The following HSF2 variants were observed in gnomAD, a reference collection of about 807,000 sequenced individuals.
HSF2 encodes the protein heat shock factor protein 2.
HSF2 carries 21 observed loss-of-function variants against 65.0 expected under a neutral mutation model. That is an observed-to-expected ratio of 0.32 (90% CI 0.23 to 0.47). HSF2 has a LOEUF of 0.47. Ranked by LOEUF, HSF2 falls within the 20% of genes least tolerant of loss-of-function variation. The pLI, the probability that HSF2 is intolerant of heterozygous loss-of-function variation, is 1.00. For missense variants in HSF2, 499 were observed against 628.1 expected, an observed-to-expected ratio of 0.79 and a Z score of 2.20; for synonymous variants, 225 against 219.1, an observed-to-expected ratio of 1.03 and a Z score of -0.24.
chr6:122,419,159 T>G lies in HSF2; in HGVS notation c.532-9T>G. ...ATAATGAAATAATTTTTGTTTATAT[T>G]TTTTTCAGATTGTCCAGTTTATTGT... On this transcript the variant is annotated splice_polypyrimidine_tract_variant and intron_variant, in intron 5 of 12. Transcript: ENST00000368455. 2.2e-6 allele frequency: 3 copies of G among 1,359,458 alleles called. No homozygotes were observed. Among genetic ancestry groups the G allele is most frequent in the Non-Finnish European group, 3.1e-6 (3 of 957,684 alleles). 84.2% of individuals were successfully genotyped at this position (1,359,458 alleles called of 1,614,324 possible).
At chr6:122,408,088 C>G (rs953323738) in intron 1 of HSF2, among the ~76,000 whole-genome samples, 1 of 152,118 alleles carries the variant, frequency 6.6e-6, no homozygotes, top group Non-Finnish European at 1.5e-5. Context: ...AAGGCTCTAA[C>G]TCCAAATACC....
rs1438943826 is a variant in HSF2, at chr6:122,399,793, A to G, written c.56A>G (p.Glu19Gly). ...AFLSKLWTLV[E>G]ETHTNEFITW... is the part of the protein sequence containing the mutation. The stretch of plus-strand genomic sequence containing the variant: ...CTCAGCAAGCTGTGGACGCTTGTGG[A>G]GGAAACCCACACTAACGAGTTCATC... The change falls in exon 1 of 13, where the codon GAG (glutamate) becomes GGG (glycine). Residue 19 changes from glutamate to glycine, a missense_variant. This residue lies in a region of HSF2 where 150 missense variants were observed against 234.6 expected (regional missense o/e 0.64). Transcript: ENST00000368455. 1 of 1,612,066 alleles carries G rather than the reference A, an allele frequency of 6.2e-7. No individual in the cohort carries two copies. Among genetic ancestry groups the G allele is most frequent in the South Asian group, 1.1e-5 (1 of 90,778 alleles).
chr6:122,425,692 T>C, intron 10 of HSF2, among the ~76,000 whole-genome samples: 1 of 152,060 alleles, frequency 6.6e-6, no homozygotes, highest in South Asian at 2.1e-4. Context: ...TTTTCTACTA[T>C]CTTCTACTTA....
intron 11 of HSF2, 111 bp from the exon 12 acceptor site, chr6:122,431,319 C>T (rs1774460622): frequency 2.4e-6 from 1 of 416,444 alleles, no homozygotes; most frequent in African/African-American, 2.1e-5. Context: ...GTTTCCCCAT[C>T]TCATATATTT....
intron 7 of HSF2, among the ~76,000 whole-genome samples, chr6:122,420,924 C>G (rs1582616943): frequency 6.6e-6 from 1 of 151,406 alleles, no homozygotes; most frequent in Admixed American, 6.6e-5. Context: ...GTCACCTTTG[C>G]TGGTCTCGAA....
At chr6:122,427,086 G>C (rs745546776) in intron 10 of HSF2, among the ~76,000 whole-genome samples, 27 of 151,820 alleles carry the variant, frequency 1.8e-4, no homozygotes, top group Non-Finnish European at 3.7e-4. Flanking sequence ...TTCTGTGTGC[G>C]CTTTCCTCCC....
intron 11 of HSF2, 128 bp downstream of exon 11, chr6:122,428,084 C>A (rs1774377644): frequency 2.0e-6 from 1 of 503,534 alleles, no homozygotes; most frequent in South Asian, 4.2e-5. Flanking sequence ...TATGTGTGAT[C>A]AAGATAATAA....
At chr6:122,414,197 GT>G (rs1315358428) in intron 4 of HSF2, among the ~76,000 whole-genome samples, 1 of 152,104 alleles carries the variant, frequency 6.6e-6, no homozygotes, top group Non-Finnish European at 1.5e-5. Context: ...AAGATGCTTC[GT>G]TTTATTTTAC....
Position 122,432,356 on chromosome 6 carries a change from G to A in HSF2, c.*136G>A. On this transcript the variant is annotated 3_prime_UTR_variant, in exon 13 of 13. Coordinates refer to ENST00000368455, the MANE Select transcript of HSF2 (RefSeq NM_004506.4). ...ATACTGTGGAATAAAAGCACCTTTTGCTTTTCTCACTAACCACACACTCTT... is the reference window on the plus strand; with the variant it reads ...ATACTGTGGAATAAAAGCACCTTTTACTTTTCTCACTAACCACACACTCTT... 1 of 706,652 alleles carries A rather than the reference G, an allele frequency of 1.4e-6. No individual in the cohort carries two copies. The highest frequency in any genetic ancestry group is 2.3e-6 in the Non-Finnish European group (1 of 431,838). The allele number at this position is 706,652 out of a possible 1,614,324, so 43.8% of individuals were successfully genotyped here.
At chr6:122,420,529 A>G (rs1329237269) in intron 7 of HSF2, among the ~76,000 whole-genome samples, 1 of 151,484 alleles carries the variant, frequency 6.6e-6, no homozygotes, top group Non-Finnish European at 1.5e-5. Context: ...TATCATTCTC[A>G]TGGCCATTTT....
chr6:122,430,914 C>T (rs1465369601), intron 11 of HSF2, among the ~76,000 whole-genome samples: 2 of 152,080 alleles, frequency 1.3e-5, no homozygotes, highest in African/African-American at 4.8e-5. Flanking sequence ...GAAACACCAC[C>T]TCAACTTTGA....
intron 1 of HSF2, among the ~76,000 whole-genome samples, chr6:122,411,750 GCTGT>G (rs557370826): frequency 9.2e-4 from 140 of 151,826 alleles, no homozygotes; most frequent in Non-Finnish European, 1.2e-3. Flanking sequence ...TTATTTCTGG[GCTGT>G]CTATTTTATT....
In HSF2 at chr6:122,412,575, T is replaced by A. The variant is rs1774024973; in HGVS notation, c.203-62T>A. On this transcript the variant is annotated intron_variant, in intron 2 of 12. Coordinates refer to ENST00000368455, the MANE Select transcript of HSF2 (RefSeq NM_004506.4). ...AGGGTGGTAAAGGAAAATTATTCCA[T>A]ACAAGCACCACCAAATTTTGACTTG... 1.0e-5 allele frequency: 16 copies of A among 1,585,710 alleles called. 1 individual carries two copies. The South Asian group carries it at 1.8e-4, about 18-fold the overall frequency.
chr6:122,409,469 G>A (rs1000910749), intron 1 of HSF2, among the ~76,000 whole-genome samples: 4 of 151,934 alleles, frequency 2.6e-5, no homozygotes, highest in African/African-American at 9.7e-5. Flanking sequence ...GTTAAATTTT[G>A]CAGTTAAGGA....
At chr6:122,413,479 T>C (rs549251005) in intron 3 of HSF2, 46 bp from the exon 4 acceptor site, 26 of 1,405,004 alleles carry the variant, frequency 1.9e-5, no homozygotes, top group Non-Finnish European at 2.6e-5. Flanking sequence ...ATTACAATCA[T>C]GGGTGTTTAC....
At chr6:122,401,636 A>G (rs565660258) in intron 1 of HSF2, among the ~76,000 whole-genome samples, 41 of 152,352 alleles carry the variant, frequency 2.7e-4, no homozygotes, top group Admixed American at 1.4e-3. Flanking sequence ...TAATCCCATT[A>G]TTAACTTTAA....
chr6:122,415,334 T>TA (rs1357850322), intron 4 of HSF2, among the ~76,000 whole-genome samples: 1 of 152,190 alleles, frequency 6.6e-6, no homozygotes, highest in Non-Finnish European at 1.5e-5. Flanking sequence ...TTTCAACACT[T>TA]ACCAAATTAT....
rs113499724 is a variant in HSF2 at position 122,428,325 on chromosome 6, T to G, written c.1230+369T>G. 6.5e-3 allele frequency among the ~76,000 whole-genome samples: 989 copies of G among 152,158 alleles called. 7 individuals are homozygous for G. Among genetic ancestry groups the G allele is most frequent in the African/African-American group, 0.022 (924 of 41,548 alleles). Reference sequence around the variant, plus strand: ...CAACTTTTTTATTAAAAAGTTATAGTACCCATATTTTTTGTGAGTTCTATC... The same window carrying G: ...CAACTTTTTTATTAAAAAGTTATAGGACCCATATTTTTTGTGAGTTCTATC... On this transcript the variant is annotated intron_variant, in intron 11 of 12. Coordinates refer to ENST00000368455, the MANE Select transcript of HSF2 (RefSeq NM_004506.4).
intron 5 of HSF2, 77 bp downstream of exon 5, chr6:122,416,373 T>C (rs957228548): frequency 3.1e-5 from 27 of 878,956 alleles, no homozygotes; most frequent in East Asian, 3.0e-4. Context: ...AAGGTCTTTA[T>C]TGAGTGTCTG....
Sources: gnomAD v4.1 joint callset for allele counts (sites outside exome capture counted in the v4.1 genomes callset) on GRCh38, gnomAD v4.1.1 for gene constraint, gnomAD v4.1.1 regional missense constraint, MANE v1.5 for transcripts, NCBI Gene and HGNC (gene_info 2026-07-23, HGNC 2026-07-21) for gene names.